Variants in XKR4 observed in about 807,000 individuals in gnomAD.
XKR4 encodes XK related 4.
In XKR4, 12 loss-of-function variants were observed where a neutral mutation model predicts 53.9. The ratio of observed to expected loss-of-function variants is 0.22; its 90% CI spans 0.14 to 0.36. The LOEUF is 0.36. Ranked by LOEUF, XKR4 falls within the 10% of genes least tolerant of loss-of-function variation. The pLI, the probability that XKR4 is intolerant of heterozygous loss-of-function variation, is 1.00. For missense variants in XKR4, 799 were observed against 859.5 expected (o/e 0.93, Z 0.88); for synonymous variants, 354 against 362.4 (o/e 0.98, Z 0.26).
In XKR4 at chr8:55,523,508, A is replaced by G. The variant is rs1806832793; in HGVS notation, c.1234A>G (p.Met412Val). 1 of 1,614,030 alleles carries G rather than the reference A, an allele frequency of 6.2e-7. No homozygotes were observed. The highest frequency in any genetic ancestry group is 2.2e-5 in the East Asian group (1 of 44,898). The change falls in exon 3 of 3, where the codon ATG becomes GTG. Residue 412 changes from methionine to valine, a missense_variant. Coordinates refer to ENST00000327381, the MANE Select transcript of XKR4 (RefSeq NM_052898.2). ...CTTCATCGTCCTTCACTGGTGCATCATGACCTTCTGGATCGTCCACTGTGA... is the reference window on the plus strand; with the variant it reads ...CTTCATCGTCCTTCACTGGTGCATCGTGACCTTCTGGATCGTCCACTGTGA... ...GIFIVLHWCI[M>V]TFWIVHCETE...
rs1418058513 is a variant in XKR4, at chr8:55,450,156, G to A, written c.1007-73125G>A. The A allele has an allele frequency of 5.9e-6, 4 of 676,140 alleles. No individual in the cohort carries two copies. The African/African-American group carries it at 7.1e-5, about 12-fold the overall frequency. The allele number at this position is 676,140 out of a possible 1,614,324, so 41.9% of individuals were successfully genotyped here. A position where few individuals can be genotyped will look rare whatever the true frequency, so the allele number is the denominator to read the frequency against. ...CTGTCTCCAACCTCTGCAGGCGTGA[G>A]ATGGCGTCAGGCTGGGCTCGGGGGC... is the stretch of plus-strand genomic sequence containing the variant. On this transcript the variant is annotated intron_variant, in intron 2 of 2. Transcript: ENST00000327381.
At chr8:55,459,919 C>G (rs1272888535) in intron 2 of XKR4, among the ~76,000 whole-genome samples, 1 of 151,602 alleles carries the variant, frequency 6.6e-6, no homozygotes, top group East Asian at 1.9e-4. Context: ...TAATTCCATT[C>G]CCAGGTAACT....
chr8:55,484,038 A>G (rs1351250363), intron 2 of XKR4, among the ~76,000 whole-genome samples: 2 of 152,194 alleles, frequency 1.3e-5, no homozygotes, highest in Non-Finnish European at 2.9e-5. Flanking sequence ...TCCAGAGTGA[A>G]GCAAGAGAAT....
intron 1 of XKR4, among the ~76,000 whole-genome samples, chr8:55,196,839 T>C (rs534538007): frequency 6.6e-6 from 1 of 152,306 alleles, no homozygotes; most frequent in South Asian, 2.1e-4. Context: ...AGGATGACCC[T>C]CTTTTTGGTG....
rs953858553 is a variant in XKR4 at position 55,541,205 on chromosome 8, C to T, written c.*16978C>T. 1 of 152,094 alleles carries T rather than the reference C, an allele frequency of 6.6e-6. No individual in the cohort carries two copies. 9.4% of individuals were successfully genotyped at this position (152,094 alleles called of 1,614,324 possible). A position where few individuals can be genotyped will look rare whatever the true frequency, so the allele number is the denominator to read the frequency against. The stretch of plus-strand genomic sequence containing the variant: ...TAACATTTCAAAAGGATATTTGGTG[C>T]AAAGCAATTTTCAAAAATTTGTACA... On this transcript the variant is annotated 3_prime_UTR_variant, in exon 3 of 3. Coordinates refer to ENST00000327381, the MANE Select transcript of XKR4 (RefSeq NM_052898.2).
intron 2 of XKR4, among the ~76,000 whole-genome samples, chr8:55,481,449 G>A (rs1445067895): frequency 6.6e-6 from 1 of 152,006 alleles, no homozygotes; most frequent in Non-Finnish European, 1.5e-5. Context: ...AACCCTAGAA[G>A]AAAACCTAGG....
At chr8:55,172,790 G>T (rs1004584618) in intron 1 of XKR4, among the ~76,000 whole-genome samples, 1 of 152,210 alleles carries the variant, frequency 6.6e-6, no homozygotes, top group Non-Finnish European at 1.5e-5. Context: ...GAAAATCTGG[G>T]AGTAAAATGG....
intron 2 of XKR4, among the ~76,000 whole-genome samples, chr8:55,488,518 A>AT (rs1360874376): frequency 6.6e-6 from 1 of 152,234 alleles, no homozygotes; most frequent in African/African-American, 2.4e-5. Flanking sequence ...GAAATGAGCT[A>AT]TCAAGCCACA....
chr8:55,368,815 T>C (rs958323844), intron 2 of XKR4, among the ~76,000 whole-genome samples: 4 of 152,212 alleles, frequency 2.6e-5, no homozygotes, highest in Non-Finnish European at 4.4e-5. Flanking sequence ...TCAGTTTGTA[T>C]TGGCTTTTCA....
intron 2 of XKR4, among the ~76,000 whole-genome samples, chr8:55,371,767 A>G (rs574658720): frequency 2.0e-4 from 31 of 152,334 alleles, no homozygotes; most frequent in African/African-American, 6.7e-4. Context: ...TACCACCCCA[A>G]GTTATACTTA....
At chr8:55,264,900 A>C (rs1818576024) in intron 1 of XKR4, among the ~76,000 whole-genome samples, 1 of 152,238 alleles carries the variant, frequency 6.6e-6, no homozygotes. Flanking sequence ...TTGGGGATAT[A>C]TGGGAAGAAT....
At chr8:55,215,661 C>G (rs533766771) in intron 1 of XKR4, among the ~76,000 whole-genome samples, 1 of 152,078 alleles carries the variant, frequency 6.6e-6, no homozygotes, top group East Asian at 1.9e-4. Flanking sequence ...GTTTAATAAT[C>G]GTCTTATTTG....
At chr8:55,243,117 C>G (rs996090773) in intron 1 of XKR4, among the ~76,000 whole-genome samples, 5 of 152,200 alleles carry the variant, frequency 3.3e-5, no homozygotes, top group Non-Finnish European at 7.3e-5. Flanking sequence ...TGCACATGCA[C>G]AGCCTCCCCA....
intron 1 of XKR4, chr8:55,135,654 T>G (rs1284266072): frequency 2.2e-6 from 1 of 455,942 alleles, no homozygotes; most frequent in Non-Finnish European, 4.4e-6. Flanking sequence ...TAGAGGAGTC[T>G]TCAAAAAACA....
chr8:55,321,106 C>T (rs1378737996), intron 1 of XKR4, among the ~76,000 whole-genome samples: 1 of 152,080 alleles, frequency 6.6e-6, no homozygotes, highest in Admixed American at 6.6e-5. Context: ...GCATCTAGGT[C>T]CAAACATTCT....
chr8:55,451,173 C>G, intron 2 of XKR4: 1 of 551,012 alleles, frequency 1.8e-6, no homozygotes, highest in Non-Finnish European at 3.2e-6. Flanking sequence ...CGGGGGACAC[C>G]CGTTGGCCTG....
chr8:55,522,344 C>A (rs1806809727), intron 2 of XKR4, among the ~76,000 whole-genome samples: 1 of 152,098 alleles, frequency 6.6e-6, no homozygotes, highest in African/African-American at 2.4e-5. Context: ...AGATGGAAGA[C>A]AGGGAACGGA....
rs1483483470 is a variant in XKR4 at position 55,538,180 on chromosome 8, A to T, written c.*13953A>T. On this transcript the variant is annotated 3_prime_UTR_variant, in exon 3 of 3. Transcript: ENST00000327381. ...ATGGGTCAGTGACTGGGACAAAGGAACTGGGAATCTCTGCACAACTGAGCC... is the reference window on the plus strand; with the variant it reads ...ATGGGTCAGTGACTGGGACAAAGGATCTGGGAATCTCTGCACAACTGAGCC... The T allele has an allele frequency of 6.6e-6, 1 of 152,202 alleles. No homozygotes were observed. The highest frequency in any genetic ancestry group is 1.5e-5 in the Non-Finnish European group (1 of 68,050). 9.4% of individuals were successfully genotyped at this position (152,202 alleles called of 1,614,324 possible).
intron 2 of XKR4, chr8:55,453,925 C>G (rs1161814069): frequency 1.1e-5 from 7 of 645,844 alleles, no homozygotes; most frequent in Non-Finnish European, 1.5e-5. Context: ...TGCCCTCCAG[C>G]ACATTCATCA....
Sources: gnomAD v4.1 joint callset for allele counts (sites outside exome capture counted in the v4.1 genomes callset) on GRCh38, gnomAD v4.1.1 for gene constraint, MANE v1.5 for transcripts, NCBI Gene and HGNC (gene_info 2026-07-23, HGNC 2026-07-21) for gene names.